PPM1K: variants seen among roughly 807,000 people sequenced by gnomAD.
PPM1K encodes the protein protein phosphatase, Mg2+/Mn2+ dependent 1K, also known as protein phosphatase Mn(2+)-dependent 1K.
In PPM1K, 19 loss-of-function variants were observed where a neutral mutation model predicts 32.6. The observed-to-expected ratio is 0.58, with a 90% confidence interval of 0.41 to 0.86. The LOEUF is 0.86. Ranked by LOEUF, PPM1K falls within the 40% of genes least tolerant of loss-of-function variation. The pLI is 0.00. For missense variants in PPM1K, 362 were observed against 461.2 expected (o/e 0.78, Z 1.97); for synonymous variants, 159 against 165.3 (o/e 0.96, Z 0.29).
At chr4:88,272,486 C>T (rs188326506) in intron 3 of PPM1K, among the ~76,000 whole-genome samples, 46 of 152,320 alleles carry the variant, frequency 3.0e-4, no homozygotes, top group African/African-American at 1.0e-3. Flanking sequence ...TCTGGAAACA[C>T]TCTGAAGAGC....
In PPM1K at chr4:88,260,143, C is replaced by T. The variant is rs1437437195; in HGVS notation, c.*2452G>A. On this transcript the variant is annotated 3_prime_UTR_variant, in exon 7 of 7. Transcript: ENST00000608933. ...CTCGACTCACTGCAACCTCCGCCTC[C>T]CAGGTTCAAGCAATTCTCCTTCCTC... 6.6e-6 allele frequency: 1 copy of T among 152,222 alleles called. No individual in the cohort carries two copies. The highest frequency in any genetic ancestry group is 2.4e-5 in the African/African-American group (1 of 41,414). The allele number at this position is 152,222 out of a possible 1,614,324, so 9.4% of individuals were successfully genotyped here. A position where few individuals can be genotyped will look rare whatever the true frequency, so the allele number is the denominator to read the frequency against.
intron 3 of PPM1K, among the ~76,000 whole-genome samples, chr4:88,271,565 T>C (rs1050302231): frequency 1.3e-5 from 2 of 152,172 alleles, no homozygotes; most frequent in Non-Finnish European, 2.9e-5. Flanking sequence ...CTCACGCATA[T>C]ACACATTCAC....
rs1169930126 is a variant in PPM1K, at chr4:88,277,200, A to T, written c.484T>A (p.Leu162Met). The T allele has an allele frequency of 1.9e-6, 3 of 1,614,034 alleles. No homozygotes were observed. Among genetic ancestry groups the T allele is most frequent in the Non-Finnish European group, 2.5e-6 (3 of 1,179,996 alleles). ...GCTTTATCTATTTCTAGAAAAGCCAAGGTCAACAGAGTTTCCAAGTTCTTC... is the reference window on the plus strand; with the variant it reads ...GCTTTATCTATTTCTAGAAAAGCCATGGTCAACAGAGTTTCCAAGTTCTTC... ...KEKNLETLLTLAFLEIDKAFS... is the reference protein window; with the variant it reads ...KEKNLETLLTMAFLEIDKAFS... The change falls in exon 3 of 7, where the codon TTG becomes ATG. Residue 162 changes from leucine to methionine, a missense_variant. Coordinates refer to ENST00000608933, the MANE Select transcript of PPM1K (RefSeq NM_152542.5).
chr4:88,275,446 C>T (rs1731725813), intron 3 of PPM1K: 1 of 985,004 alleles, frequency 1.0e-6, no homozygotes, highest in African/African-American at 1.7e-5. Context: ...AGTTATACTT[C>T]ATTCAATAAT....
chr4:88,265,898 T>C (rs868136705), intron 5 of PPM1K, among the ~76,000 whole-genome samples: 2 of 152,356 alleles, frequency 1.3e-5, no homozygotes, highest in Middle Eastern at 3.4e-3. Context: ...GTAATGGTTA[T>C]GAGTGCTGTC....
chr4:88,277,003 T>C (rs1731791173), intron 3 of PPM1K, 140 bp downstream of exon 3: 1 of 715,938 alleles, frequency 1.4e-6, no homozygotes, highest in African/African-American at 1.8e-5. Flanking sequence ...ATTCTTCATA[T>C]AAACTCATTT....
At chr4:88,277,073 T>C in intron 3 of PPM1K, 70 bp downstream of exon 3, 1 of 1,173,266 alleles carries the variant, frequency 8.5e-7, no homozygotes, top group Non-Finnish European at 1.3e-6. Flanking sequence ...GGACTTAAAG[T>C]GTTTCCTTTT....
intron 1 of PPM1K, among the ~76,000 whole-genome samples, chr4:88,280,182 C>G (rs1731952626): frequency 6.6e-6 from 1 of 152,116 alleles, no homozygotes; most frequent in African/African-American, 2.4e-5. Flanking sequence ...TTCAAGTGAT[C>G]CTCCCACCTC....
At chr4:88,270,509 A>G (rs1731518583) in intron 3 of PPM1K, among the ~76,000 whole-genome samples, 1 of 152,164 alleles carries the variant, frequency 6.6e-6, no homozygotes, top group Non-Finnish European at 1.5e-5. Flanking sequence ...AATTACCCAA[A>G]CGACTATGAA....
At chr4:88,281,518 G>T (rs992457652) in intron 1 of PPM1K, among the ~76,000 whole-genome samples, 2 of 152,064 alleles carry the variant, frequency 1.3e-5, no homozygotes, top group Non-Finnish European at 2.9e-5. Flanking sequence ...TCATCAACCT[G>T]GCATCCTTCC....
chr4:88,258,369 G>C lies in PPM1K; in HGVS notation c.*4226C>G, dbSNP rs563687722. ...AAATAATTTCCTAGGAGGGCACAGT[G>C]CTGTAATCCCAGCAATTTGGGAGGC... On this transcript the variant is annotated 3_prime_UTR_variant, in exon 7 of 7. Transcript: ENST00000608933. 1 of 152,114 alleles carries C rather than the reference G, an allele frequency of 6.6e-6. No homozygotes were observed. Among genetic ancestry groups the C allele is most frequent in the East Asian group, 1.9e-4 (1 of 5,172 alleles). 9.4% of individuals were successfully genotyped at this position (152,114 alleles called of 1,614,324 possible).
At chr4:88,270,956 A>C (rs1731534784) in intron 3 of PPM1K, 1 of 344,594 alleles carries the variant, frequency 2.9e-6, no homozygotes, top group African/African-American at 2.1e-5. Context: ...CTAACAACAA[A>C]ACTAGAAAAC....
intron 5 of PPM1K, among the ~76,000 whole-genome samples, chr4:88,265,987 G>C (rs1377336328): frequency 6.6e-6 from 1 of 152,170 alleles, no homozygotes; most frequent in Non-Finnish European, 1.5e-5. Context: ...ACCTCTGTAT[G>C]CTTTAGATTT....
At position 88,277,038 on chromosome 4, in the gene PPM1K, G is replaced by A; in HGVS notation, c.541+105C>T. The A allele has an allele frequency of 4.6e-6, 4 of 869,596 alleles. No individual in the cohort carries two copies. The South Asian group carries it at 6.9e-5, about 15-fold the overall frequency. 53.9% of individuals were successfully genotyped at this position (869,596 alleles called of 1,614,324 possible). A position where few individuals can be genotyped will look rare whatever the true frequency, so the allele number is the denominator to read the frequency against. Reference sequence around the variant, plus strand: ...TCTACATAAATCCTTACAAACAATTGTCCATTAAAATCCCCTCCCCCAAAG... The same window carrying A: ...TCTACATAAATCCTTACAAACAATTATCCATTAAAATCCCCTCCCCCAAAG... On this transcript the variant is annotated intron_variant, in intron 3 of 6. Transcript: ENST00000608933.
intron 5 of PPM1K, among the ~76,000 whole-genome samples, chr4:88,267,661 T>C (rs1353636139): frequency 6.6e-6 from 1 of 152,204 alleles, no homozygotes; most frequent in Non-Finnish European, 1.5e-5. Flanking sequence ...ACAGCACTTG[T>C]TTATTGGCCC....
At position 88,279,891 on chromosome 4, in the gene PPM1K, G is replaced by GA. The variant is rs576553107; in HGVS notation, c.-59-1250dup. Among the ~76,000 whole-genome samples the GA allele has an allele frequency of 1.4e-4, 21 of 152,206 alleles. No homozygotes were observed. In the South Asian group the frequency reaches 4.1e-3, roughly 30 times the overall value. ...TTATTTCACAATAAAAAATGAACTT[G>GA]AAAAAATGTATCTTTCCAAAAGGTA... is the stretch of plus-strand genomic sequence containing the variant. On this transcript the variant is annotated intron_variant, in intron 1 of 6. Transcript: ENST00000608933.
chr4:88,280,573 G>C (rs1731966983), intron 1 of PPM1K, among the ~76,000 whole-genome samples: 1 of 152,126 alleles, frequency 6.6e-6, no homozygotes, highest in South Asian at 2.1e-4. Flanking sequence ...GAGACCAGTG[G>C]GCAACTTTGC....
intron 2 of PPM1K, chr4:88,277,820 C>T (rs1394508109): frequency 6.3e-6 from 2 of 318,366 alleles, no homozygotes; most frequent in South Asian, 1.0e-4. Flanking sequence ...TACTGAAGCA[C>T]TTATCTGTCC....
intron 3 of PPM1K, chr4:88,275,565 T>G: frequency 1.0e-6 from 1 of 985,378 alleles, no homozygotes. Context: ...AGGCCAATGT[T>G]TTTGGTTGGT....
Sources: gnomAD v4.1 joint callset for allele counts (sites outside exome capture counted in the v4.1 genomes callset) on GRCh38, gnomAD v4.1.1 for gene constraint, MANE v1.5 for transcripts, NCBI Gene and HGNC (gene_info 2026-07-23, HGNC 2026-07-21) for gene names.